PLD3: variants seen among roughly 807,000 people sequenced by gnomAD.
PLD3 encodes phospholipase D family member 3.
Under a neutral mutation model 58.4 loss-of-function variants are expected in PLD3, and 31 were observed. The observed-to-expected ratio is 0.53, with a 90% CI of 0.40 to 0.72. The LOEUF (loss-of-function observed/expected upper bound fraction) is 0.72, where lower values mean the gene tolerates loss of function less well. Ranked by LOEUF, PLD3 falls within the 30% of genes least tolerant of loss-of-function variation. PLD3 has a pLI of 0.00. For missense variants in PLD3, 595 were observed against 659.8 expected, an observed-to-expected ratio of 0.90 and a Z score of 1.08; for synonymous variants, 264 against 273.4, an observed-to-expected ratio of 0.97 and a Z score of 0.34.
intron 5 of PLD3, 114 bp from the exon 6 acceptor site, chr19:40,367,582 T>TAAAA: frequency 2.6e-6 from 2 of 765,832 alleles, no homozygotes; most frequent in Non-Finnish European, 4.0e-6. Context: ...ACTCTGTCTC[T>TAAAA]AAAAAAAAAA....
chr19:40,374,731 G>T, intron 10 of PLD3, 111 bp downstream of exon 10: 1 of 1,213,814 alleles, frequency 8.2e-7, no homozygotes, highest in South Asian at 1.3e-5. Context: ...ACAGATGGAA[G>T]AGAAGCTGCA....
intron 8 of PLD3, chr19:40,370,487 A>C: frequency 2.8e-6 from 1 of 357,810 alleles, no homozygotes; most frequent in Non-Finnish European, 5.1e-6. Context: ...AGCCTGGGCA[A>C]CATAGTGAGA....
At chr19:40,368,434 A>G (rs1026527072) in intron 6 of PLD3, among the ~76,000 whole-genome samples, 1 of 152,206 alleles carries the variant, frequency 6.6e-6, no homozygotes, top group Non-Finnish European at 1.5e-5. Flanking sequence ...CTGCAGACAA[A>G]CTTAAAGAAC....
chr19:40,352,694 G>A (rs1196042965), intron 1 of PLD3, among the ~76,000 whole-genome samples: 1 of 152,138 alleles, frequency 6.6e-6, no homozygotes, highest in African/African-American at 2.4e-5. Context: ...CAGGCACAGT[G>A]GCTTATGCCT....
chr19:40,374,761 AG>A, intron 10 of PLD3, 141 bp downstream of exon 10: 1 of 853,554 alleles, frequency 1.2e-6, no homozygotes, highest in Non-Finnish European at 1.8e-6. Flanking sequence ...AGTCACCAGG[AG>A]GTGACCGGAA....
intron 1 of PLD3, among the ~76,000 whole-genome samples, chr19:40,349,301 C>A (rs1292338895): frequency 6.6e-5 from 10 of 152,136 alleles, no homozygotes; most frequent in African/African-American, 2.4e-4. Flanking sequence ...CTTTGTCCCT[C>A]CCTTGGCATC....
intron 6 of PLD3, 21 bp from the exon 7 acceptor site, chr19:40,369,887 G>A (rs760058119): frequency 1.3e-6 from 2 of 1,541,008 alleles, no homozygotes; most frequent in South Asian, 2.4e-5. Context: ...CAGCCCCTCA[G>A]AAGCTCTCCC....
intron 5 of PLD3, 43 bp from the exon 6 acceptor site, chr19:40,367,653 G>A: frequency 6.5e-7 from 1 of 1,548,146 alleles, no homozygotes; most frequent in Non-Finnish European, 8.8e-7. Flanking sequence ...CCCAGCCCTT[G>A]CTCTCCGGCA....
Position 40,376,601 on chromosome 19 carries a change from G to T in PLD3, c.1020-8G>T, listed in dbSNP as rs371305373. ...ATCCTGCCCCACCTCCTATACACCC[G>T]TCCTCAGGTTCTGGCCTGCCATTGA... On this transcript the variant is annotated splice_region_variant and splice_polypyrimidine_tract_variant and intron_variant, in intron 10 of 12. Coordinates refer to ENST00000409735, the MANE Select transcript of PLD3 (RefSeq NM_012268.4). The T allele has an allele frequency of 2.5e-6, 4 of 1,608,430 alleles. No homozygotes were observed. Among genetic ancestry groups the T allele is most frequent in the Non-Finnish European group, 3.4e-6 (4 of 1,179,292 alleles).
Position 40,376,667 on chromosome 19 carries a change from G to C in PLD3, c.1078G>C (p.Val360Leu). The change falls in exon 11 of 13, where the codon GTG becomes CTG. Residue 360 changes from valine (V) to leucine (L), a missense_variant. By Grantham distance (32) the Val-to-Leu change is conservative. Coordinates refer to ENST00000409735, the MANE Select transcript of PLD3 (RefSeq NM_012268.4). Reference protein sequence around the residue: ...RRATYERGVKVRLLISCWGHS... With the variant: ...RRATYERGVKLRLLISCWGHS... The stretch of plus-strand genomic sequence containing the variant: ...GGCCACCTACGAGCGTGGCGTCAAG[G>C]TGCGCCTGCTCATCAGCTGCTGGGG... 6.2e-7 allele frequency: 1 copy of C among 1,606,998 alleles called. No individual in the cohort carries two copies. The highest frequency in any genetic ancestry group is 8.5e-7 in the Non-Finnish European group (1 of 1,179,994).
At chr19:40,363,215 C>T (rs2078829726) in intron 1 of PLD3, among the ~76,000 whole-genome samples, 1 of 152,154 alleles carries the variant, frequency 6.6e-6, no homozygotes, top group Non-Finnish European at 1.5e-5. Flanking sequence ...CCTGCTGTTC[C>T]AACTCCATAT....
chr19:40,350,614 C>A (rs76895241), intron 1 of PLD3, among the ~76,000 whole-genome samples: 1 of 151,520 alleles, frequency 6.6e-6, no homozygotes, highest in Admixed American at 6.6e-5. Context: ...CATGGTGGCG[C>A]GCCCCTAAAA....
rs1190463568 is a variant in PLD3, at chr19:40,348,733, G to A, written c.-314G>A. On this transcript the variant is annotated 5_prime_UTR_variant, in exon 1 of 13. Transcript: ENST00000409735. ...GGGATACAGCCTGGAAGGTGCGTGTGGGGCTGGGTCTCGGAGTGGGAGACG... is the reference window on the plus strand; with the variant it reads ...GGGATACAGCCTGGAAGGTGCGTGTAGGGCTGGGTCTCGGAGTGGGAGACG... 3.9e-6 allele frequency: 2 copies of A among 511,556 alleles called. No homozygotes were observed. Among genetic ancestry groups the A allele is most frequent in the African/African-American group, 2.0e-5 (1 of 49,310 alleles). The allele number at this position is 511,556 out of a possible 1,614,324, so 31.7% of individuals were successfully genotyped here. A position where few individuals can be genotyped will look rare whatever the true frequency, so the allele number is the denominator to read the frequency against.
chr19:40,366,596 G>A lies in PLD3; in HGVS notation c.28-14G>A, dbSNP rs932917573. On this transcript the variant is annotated splice_polypyrimidine_tract_variant and intron_variant, in intron 3 of 12. Transcript: ENST00000409735. ...AGAGCCACCTGTCACCCCCGTTGTTGTCCCCATCCCCAGCTGAAGGTGCCT... is the reference window on the plus strand; with the variant it reads ...AGAGCCACCTGTCACCCCCGTTGTTATCCCCATCCCCAGCTGAAGGTGCCT... The A allele has an allele frequency of 6.3e-7, 1 of 1,577,828 alleles. No individual in the cohort carries two copies. The highest frequency in any genetic ancestry group is 8.6e-7 in the Non-Finnish European group (1 of 1,160,558).
chr19:40,352,281 A>G (rs936811127), intron 1 of PLD3, among the ~76,000 whole-genome samples: 1 of 152,138 alleles, frequency 6.6e-6, no homozygotes, highest in Non-Finnish European at 1.5e-5. Flanking sequence ...TCAGATAAAT[A>G]AATAAATAGT....
intron 1 of PLD3, among the ~76,000 whole-genome samples, chr19:40,363,532 G>A (rs1483689673): frequency 6.6e-6 from 1 of 152,204 alleles, no homozygotes; most frequent in Non-Finnish European, 1.5e-5. Flanking sequence ...CCAGGTTCAA[G>A]CAATTCTCCT....
chr19:40,373,103 CT>C (rs1416964138), intron 9 of PLD3, among the ~76,000 whole-genome samples: 1 of 152,184 alleles, frequency 6.6e-6, no homozygotes, highest in Non-Finnish European at 1.5e-5. Flanking sequence ...CTAGGTCCCC[CT>C]GAGCAAGTTA....
chr19:40,356,696 C>G (rs187008647), intron 1 of PLD3: 2 of 152,454 alleles, frequency 1.3e-5, no homozygotes, highest in African/African-American at 4.8e-5. Flanking sequence ...AAGGAGGTAT[C>G]TGGGGGGCCC....
intron 1 of PLD3, among the ~76,000 whole-genome samples, chr19:40,354,687 T>G (rs1440275452): frequency 1.3e-5 from 2 of 151,576 alleles, no homozygotes; most frequent in Non-Finnish European, 2.9e-5. Context: ...CACCACGCCC[T>G]GCTAATTTTT....
Sources: allele counts gnomAD v4.1 joint callset (sites outside exome capture counted in the v4.1 genomes callset), GRCh38; gene constraint gnomAD v4.1.1; transcripts MANE v1.5; gene names NCBI Gene and HGNC (gene_info 2026-07-23, HGNC 2026-07-21).